The following C8orf76 variants were observed in gnomAD, a reference collection of about 807,000 sequenced individuals.
The protein encoded by C8orf76 is uncharacterized protein C8orf76.
A neutral mutation model predicts 38.1 loss-of-function variants in C8orf76; 46 were observed. That is an observed-to-expected ratio of 1.21 (90% confidence interval 0.95 to 1.54). The LOEUF is 1.54. Among genes scored for constraint, C8orf76 ranks in the 40% most tolerant of loss-of-function variants. The pLI, the probability that C8orf76 is intolerant of heterozygous loss-of-function variation, is 0.00. For synonymous variants in C8orf76, 166 were observed against 167.5 expected, an observed-to-expected ratio of 0.99 and a Z score of 0.07; for missense variants, 461 against 441.6, an observed-to-expected ratio of 1.04 and a Z score of -0.39.
chr8:123,237,977 G>A, intron 2 of C8orf76, 36 bp from the exon 3 acceptor site: 1 of 1,592,600 alleles, frequency 6.3e-7, no homozygotes, highest in South Asian at 1.1e-5. Flanking sequence ...AATGAAAGGA[G>A]GAAAACATAA....
At chr8:123,231,952 GAA>G (rs1825286786) in intron 3 of C8orf76, among the ~76,000 whole-genome samples, 195 bp from the exon 4 acceptor site, 1 of 152,164 alleles carries the variant, frequency 6.6e-6, no homozygotes, top group African/African-American at 2.4e-5. Flanking sequence ...GCTACCTAGA[GAA>G]AGAGTCACCA....
intron 3 of C8orf76, among the ~76,000 whole-genome samples, chr8:123,237,230 T>C (rs1224191723): frequency 6.6e-6 from 1 of 152,128 alleles, no homozygotes; most frequent in Non-Finnish European, 1.5e-5. Flanking sequence ...GGCTCTTCCT[T>C]CCCCAAAGAG....
Position 123,226,564 on chromosome 8 carries a change from T to A in C8orf76, c.884A>T (p.Gln295Leu). Residue 295 changes from glutamine to leucine, a missense_variant, in exon 5 of 6, where the codon CAG becomes CTG. Gln to Leu is a moderately radical substitution (Grantham distance 113). Coordinates refer to ENST00000276704, the MANE Select transcript of C8orf76 (RefSeq NM_032847.3). ...CCCTTTCATTTTATCTTCAATTTCC[T>A]GCTGAGTCCTTAAGTTCCTCTCCAA... Reference protein sequence around the residue: ...FALERNLRTQQEIEDKMKGFS... With the variant: ...FALERNLRTQLEIEDKMKGFS... 6.2e-7 allele frequency: 1 copy of A among 1,613,592 alleles called. No individual in the cohort carries two copies. The highest frequency in any genetic ancestry group is 8.5e-7 in the Non-Finnish European group (1 of 1,179,922).
intron 5 of C8orf76, chr8:123,226,183 C>G (rs779764858): frequency 1.7e-6 from 2 of 1,149,156 alleles, no homozygotes. Flanking sequence ...AGAACTGCTA[C>G]ACAAATGTAA....
At chr8:123,233,388 C>T (rs1157025486) in intron 3 of C8orf76, among the ~76,000 whole-genome samples, 2 of 151,276 alleles carry the variant, frequency 1.3e-5, no homozygotes, top group African/African-American at 4.9e-5. Context: ...AAACTATGAT[C>T]CTGATGACAG....
chr8:123,227,256 C>CTTTT lies in C8orf76; in HGVS notation c.816-628_816-625dup, dbSNP rs532233177. 4.3e-3 allele frequency among the ~76,000 whole-genome samples: 603 copies of CTTTT among 139,688 alleles called. 7 individuals carry two copies. The highest frequency in any genetic ancestry group is 0.015 in the African/African-American group (574 of 38,090). The allele number at this position is 139,688 out of a possible 152,430, so 91.6% of individuals were successfully genotyped here. On this transcript the variant is annotated intron_variant, in intron 4 of 5. Transcript: ENST00000276704. ...TCCTCCTGTCTTCCTCATTTGGCTC[C>CTTTT]TTTTTTTTTTTTTTTTTAATAAATA...
chr8:123,233,145 G>A (rs938137504), intron 3 of C8orf76, among the ~76,000 whole-genome samples: 5 of 150,846 alleles, frequency 3.3e-5, no homozygotes, highest in African/African-American at 9.8e-5. Context: ...CTCAGCCTCC[G>A]GAGTAGCTGG....
chr8:123,239,924 G>A (rs1825624837), intron 1 of C8orf76: 1 of 151,090 alleles, frequency 6.6e-6, no homozygotes, highest in Admixed American at 6.6e-5. Context: ...CCCGGGAGGT[G>A]GAGGTTGGGG....
chr8:123,225,704 A>G (rs539970948), intron 5 of C8orf76, among the ~76,000 whole-genome samples: 1 of 152,268 alleles, frequency 6.6e-6, no homozygotes. Context: ...AGGTGGGTAG[A>G]TTGCTTGAGG....
At chr8:123,225,374 G>A (rs1825008826) in intron 5 of C8orf76, among the ~76,000 whole-genome samples, 2 of 152,172 alleles carry the variant, frequency 1.3e-5, no homozygotes, top group South Asian at 2.1e-4. Context: ...TAACCACCTA[G>A]TAGGCAATTA....
chr8:123,238,007 TA>T (rs2131164122), intron 2 of C8orf76, 66 bp from the exon 3 acceptor site: 3 of 1,533,120 alleles, frequency 2.0e-6, no homozygotes, highest in Non-Finnish European at 1.8e-6. Flanking sequence ...GGATTCAGAA[TA>T]GGGGTGATTT....
chr8:123,241,151 G>A, intron 1 of C8orf76, 79 bp downstream of exon 1: 1 of 1,395,232 alleles, frequency 7.2e-7, no homozygotes, highest in South Asian at 1.4e-5. Context: ...GCGGACGGAG[G>A]GGCCGAGGCC....
chr8:123,241,377 C>G lies in C8orf76; in HGVS notation c.-31G>C, dbSNP rs1187309363. 6.6e-7 allele frequency: 1 copy of G among 1,524,592 alleles called. No individual in the cohort carries two copies. Among genetic ancestry groups the G allele is most frequent in the Non-Finnish European group, 8.7e-7 (1 of 1,147,094 alleles). 94.4% of individuals were successfully genotyped at this position (1,524,592 alleles called of 1,614,324 possible). A position where few individuals can be genotyped will look rare whatever the true frequency, so the allele number is the denominator to read the frequency against. ...GCCCGCGGCGGGGGCAACGAGGAAGCGGGGCCCGCCGGAAAAGGCGGGGCT... is the reference window on the plus strand; with the variant it reads ...GCCCGCGGCGGGGGCAACGAGGAAGGGGGGCCCGCCGGAAAAGGCGGGGCT... On this transcript the variant is annotated 5_prime_UTR_variant, in exon 1 of 6. Transcript: ENST00000276704.
chr8:123,224,648 TC>T (rs1824980654), intron 5 of C8orf76, among the ~76,000 whole-genome samples: 1 of 152,150 alleles, frequency 6.6e-6, no homozygotes, highest in Non-Finnish European at 1.5e-5. Flanking sequence ...TACATTATAA[TC>T]CTAATTACAA....
intron 4 of C8orf76, among the ~76,000 whole-genome samples, chr8:123,228,489 C>T (rs1472325180): frequency 6.6e-6 from 1 of 152,082 alleles, no homozygotes; most frequent in Non-Finnish European, 1.5e-5. Context: ...CATGGTGGTG[C>T]ATGCCTGTAA....
At position 123,239,049 on chromosome 8, in the gene C8orf76, C is replaced by T. The variant is rs1162162471; in HGVS notation, c.213G>A (p.Gln71=). 1.2e-6 allele frequency: 2 copies of T among 1,613,870 alleles called. No individual in the cohort carries two copies. Among genetic ancestry groups the T allele is most frequent in the Non-Finnish European group, 1.7e-6 (2 of 1,179,936 alleles). ...GDLAYRRQEY[Q]KALQEYSSIS... ...TCAAGCACCATATGTTGAATTCTAC[C>T]TGATACTCTTGTCGTCTGTAGGCCA... The change falls in exon 2 of 6, where the codon CAG becomes CAA. Residue 71 remains glutamine (Q), a splice_region_variant and synonymous_variant. Coordinates refer to ENST00000276704, the MANE Select transcript of C8orf76 (RefSeq NM_032847.3).
chr8:123,241,086 G>T, intron 1 of C8orf76, 144 bp downstream of exon 1: 2 of 784,848 alleles, frequency 2.5e-6, no homozygotes, highest in Non-Finnish European at 3.7e-6. Context: ...CCGTGGAGGA[G>T]GAGGGACGGC....
intron 5 of C8orf76, among the ~76,000 whole-genome samples, chr8:123,223,544 G>A (rs1824943848): frequency 6.6e-6 from 1 of 152,200 alleles, no homozygotes; most frequent in African/African-American, 2.4e-5. Context: ...GAAGGCAGAG[G>A]CTGCAGTGAG....
At chr8:123,240,935 G>A (rs1376093944) in intron 1 of C8orf76, among the ~76,000 whole-genome samples, 1 of 152,258 alleles carries the variant, frequency 6.6e-6, no homozygotes, top group Non-Finnish European at 1.5e-5. Flanking sequence ...ACAAACGGGA[G>A]GTACCGGAGA....
Sources: allele counts gnomAD v4.1 joint callset (sites outside exome capture counted in the v4.1 genomes callset), GRCh38; gene constraint gnomAD v4.1.1; transcripts MANE v1.5; gene names NCBI Gene and HGNC (gene_info 2026-07-23, HGNC 2026-07-21).